The following ADGRF1 variants were observed in gnomAD, a reference collection of about 807,000 sequenced individuals.
ADGRF1 encodes the protein adhesion G protein-coupled receptor F1.
In ADGRF1, 85 loss-of-function variants were observed where a neutral mutation model predicts 87.2. That is an observed-to-expected ratio of 0.97 (90% CI 0.82 to 1.17). ADGRF1 has a LOEUF of 1.17. ADGRF1 is among the 50% of genes most tolerant of loss of function. ADGRF1 has a pLI of 0.00. For synonymous variants in ADGRF1, 430 were observed against 408.8 expected (o/e 1.05, Z -0.63); for missense variants, 1,169 against 1,077.2 (o/e 1.09, Z -1.19).
chr6:47,032,213 C>T (rs1780451549), intron 1 of ADGRF1, among the ~76,000 whole-genome samples: 1 of 152,162 alleles, frequency 6.6e-6, no homozygotes, highest in Non-Finnish European at 1.5e-5. Context: ...GATTTCTCCA[C>T]CTAGCCTGGT....
intron 5 of ADGRF1, among the ~76,000 whole-genome samples, chr6:47,022,797 C>CTTTTTTTTTTTTTT (rs1160296509): frequency 7.4e-6 from 1 of 135,030 alleles, no homozygotes; most frequent in African/African-American, 3.0e-5. Context: ...TCTTTCTTTT[C>CTTTTTTTTTTTTTT]TTTTTTCTTT....
chr6:47,003,476 G>T (rs191145144), intron 13 of ADGRF1, among the ~76,000 whole-genome samples: 108 of 152,158 alleles, frequency 7.1e-4, no homozygotes, highest in Non-Finnish European at 7.1e-4. Context: ...TCCTTTAAAA[G>T]GTCTGAATAG....
intron 9 of ADGRF1, chr6:47,013,043 A>T (rs1779756959): frequency 2.0e-6 from 2 of 983,408 alleles, no homozygotes; most frequent in South Asian, 4.7e-5. Context: ...AAGTGCTAGG[A>T]TTACAGGCAT....
intron 10 of ADGRF1, among the ~76,000 whole-genome samples, 183 bp downstream of exon 10, chr6:47,011,824 C>T (rs1248314561): frequency 6.6e-6 from 1 of 152,180 alleles, no homozygotes; most frequent in Non-Finnish European, 1.5e-5. Flanking sequence ...GCTCTGTCTT[C>T]CTTTGAACAC....
At chr6:47,038,355 C>T (rs1023843788) in intron 1 of ADGRF1, among the ~76,000 whole-genome samples, 3 of 152,164 alleles carry the variant, frequency 2.0e-5, no homozygotes, top group Admixed American at 1.3e-4. Flanking sequence ...TCATTTCCTC[C>T]AAGTGAATAG....
intron 12 of ADGRF1, 66 bp downstream of exon 12, chr6:47,007,187 A>G: frequency 1.0e-6 from 1 of 958,466 alleles, no homozygotes; most frequent in Non-Finnish European, 1.6e-6. Context: ...TAAAGGCCTC[A>G]GAACAAAGGG....
intron 1 of ADGRF1, among the ~76,000 whole-genome samples, chr6:47,037,992 C>G (rs1396650642): frequency 6.6e-6 from 1 of 152,138 alleles, no homozygotes; most frequent in Non-Finnish European, 1.5e-5. Context: ...TCCCGAGTAC[C>G]TGGGACTACA....
chr6:47,013,388 C>G (rs1049086827), intron 9 of ADGRF1: 1 of 985,280 alleles, frequency 1.0e-6, no homozygotes, highest in Non-Finnish European at 1.2e-6. Flanking sequence ...AAACTGAGAT[C>G]CACAAAGGGA....
chr6:47,015,117 TAGTA>T (rs1779827882), intron 8 of ADGRF1, among the ~76,000 whole-genome samples: 1 of 152,192 alleles, frequency 6.6e-6, no homozygotes, highest in Non-Finnish European at 1.5e-5. Context: ...GGCTATCAAC[TAGTA>T]AGTATTAGGT....
At chr6:47,025,099 T>G (rs574058373) in intron 4 of ADGRF1, among the ~76,000 whole-genome samples, 1 of 152,310 alleles carries the variant, frequency 6.6e-6, no homozygotes, top group Non-Finnish European at 1.5e-5. Context: ...AGCAATCCTA[T>G]ATGCCTGCCC....
At chr6:47,028,658 TG>T (rs1780319051) in intron 2 of ADGRF1, among the ~76,000 whole-genome samples, 1 of 152,042 alleles carries the variant, frequency 6.6e-6, no homozygotes, top group Non-Finnish European at 1.5e-5. Context: ...GGAAAGACAG[TG>T]TCTAAGGATT....
chr6:47,041,674 G>A (rs2113916698), intron 1 of ADGRF1, among the ~76,000 whole-genome samples: 1 of 152,302 alleles, frequency 6.6e-6, no homozygotes, highest in East Asian at 1.9e-4. Flanking sequence ...TCCTGGGAAG[G>A]AGTTAAATTG....
At chr6:47,018,759 A>T (rs774553144) in intron 7 of ADGRF1, 141 of 300,690 alleles carry the variant, frequency 4.7e-4, no homozygotes, top group Non-Finnish European at 7.5e-4. Context: ...TTTTAAAATA[A>T]TTTTTTTAAA....
rs1480224827 is a variant in ADGRF1 at position 47,020,716 on chromosome 6, C to T, written c.611+15G>A. 1 of 1,612,786 alleles carries T rather than the reference C, an allele frequency of 6.2e-7. No individual in the cohort carries two copies. The highest frequency in any genetic ancestry group is 2.2e-5 in the East Asian group (1 of 44,860). On this transcript the variant is annotated intron_variant, in intron 7 of 14. Coordinates refer to ENST00000371253, the MANE Select transcript of ADGRF1 (RefSeq NM_153840.4). ...AATTCTGGGGATGCCCTTCTAAGAC[C>T]ATTGTGTTACTTACCGAAATTGGGT... is the stretch of plus-strand genomic sequence containing the variant.
chr6:47,033,396 A>G (rs1007729278), intron 1 of ADGRF1, among the ~76,000 whole-genome samples: 3 of 152,224 alleles, frequency 2.0e-5, no homozygotes, highest in Non-Finnish European at 4.4e-5. Flanking sequence ...TATTTATGCC[A>G]ACAGCTGTCT....
intron 1 of ADGRF1, among the ~76,000 whole-genome samples, chr6:47,039,984 A>G (rs1780690648): frequency 6.6e-6 from 1 of 152,120 alleles, no homozygotes; most frequent in East Asian, 1.9e-4. Context: ...AAATAAATAA[A>G]TAGATAAATA....
intron 4 of ADGRF1, among the ~76,000 whole-genome samples, chr6:47,025,372 A>G (rs1400092001): frequency 6.6e-6 from 1 of 152,206 alleles, no homozygotes; most frequent in Non-Finnish European, 1.5e-5. Context: ...CCATGCTTTA[A>G]GAATCACTGC....
intron 12 of ADGRF1, among the ~76,000 whole-genome samples, chr6:47,006,201 C>G (rs1779522730): frequency 6.6e-6 from 1 of 152,068 alleles, no homozygotes; most frequent in South Asian, 2.1e-4. Flanking sequence ...AAGGCAATTA[C>G]TTTTAGTACA....
chr6:47,010,120 T>G lies in ADGRF1; in HGVS notation c.1315A>C (p.Ser439Arg). ...TAGCTGTAACCCCTTTTGAGTTGGC[T>G]TTTGTTCACTGGAATCCCTTTCCAG... ...IDWKGIPVNK[S>R]QLKRGYSYQI... Residue 439 changes from serine (S) to arginine (R), a missense_variant, in exon 11 of 15, where the codon AGC (serine) becomes CGC (arginine). Ser to Arg is a moderately radical substitution (Grantham distance 110). Coordinates refer to ENST00000371253, the MANE Select transcript of ADGRF1 (RefSeq NM_153840.4). 1 of 1,614,178 alleles carries G rather than the reference T, an allele frequency of 6.2e-7. No homozygotes were observed. Among genetic ancestry groups the G allele is most frequent in the Non-Finnish European group, 8.5e-7 (1 of 1,180,024 alleles).
Sources: allele counts gnomAD v4.1 joint callset (sites outside exome capture counted in the v4.1 genomes callset), GRCh38; gene constraint gnomAD v4.1.1; transcripts MANE v1.5; gene names NCBI Gene and HGNC (gene_info 2026-07-23, HGNC 2026-07-21).